Variants in TRAPPC8 observed in about 807,000 individuals in gnomAD.
TRAPPC8 encodes general sporulation gene 1 homolog.
TRAPPC8 carries 54 observed loss-of-function variants against 174.3 expected under a neutral mutation model. The observed-to-expected ratio is 0.31, with a 90% confidence interval of 0.25 to 0.39. The LOEUF (loss-of-function observed/expected upper bound fraction) is 0.39. Among genes scored for constraint, TRAPPC8 ranks in the 10% least tolerant of loss-of-function variants. TRAPPC8 has a pLI of 1.00. For synonymous variants in TRAPPC8, 630 were observed against 579.9 expected (o/e 1.09, Z -1.24); for missense variants, 1,531 against 1,699.1 (o/e 0.90, Z 1.74).
In TRAPPC8 at chr18:31,857,263, T is replaced by C. The variant is rs549461213; in HGVS notation, c.3188+277A>G. Among the ~76,000 whole-genome samples the C allele has an allele frequency of 8.9e-4, 135 of 152,340 alleles. No homozygotes were observed. Among genetic ancestry groups the C allele is most frequent in the Non-Finnish European group, 1.5e-3 (102 of 68,030 alleles). On this transcript the variant is annotated intron_variant, in intron 20 of 28. Transcript: ENST00000283351. ...ATGGTACCTGTTAATTTCATTATTA[T>C]GTGATAGCTCTGTCTACAGTACTTA...
intron 1 of TRAPPC8, among the ~76,000 whole-genome samples, chr18:31,941,845 CATT>C (rs1330824177): frequency 6.6e-6 from 1 of 152,178 alleles, no homozygotes. Flanking sequence ...AGCTTTACCA[CATT>C]ATTTTCTCCT....
chr18:31,901,893 T>C (rs570076558), intron 9 of TRAPPC8, among the ~76,000 whole-genome samples: 59 of 152,346 alleles, frequency 3.9e-4, no homozygotes, highest in Non-Finnish European at 7.6e-4. Flanking sequence ...TCAGGCCTAG[T>C]GGTTAGGTGT....
chr18:31,849,044 A>G (rs1274260189), intron 25 of TRAPPC8, among the ~76,000 whole-genome samples: 1 of 152,168 alleles, frequency 6.6e-6, no homozygotes, highest in Admixed American at 6.5e-5. Context: ...TTTGGTTGGG[A>G]AAGATAATAC....
chr18:31,912,514 C>CATGGTGG (rs1280180486), intron 5 of TRAPPC8, among the ~76,000 whole-genome samples: 16 of 151,508 alleles, frequency 1.1e-4, no homozygotes, highest in African/African-American at 3.9e-4. Flanking sequence ...ATTAGCCGGG[C>CATGGTGG]ATGGTGGTAG....
chr18:31,870,597 G>C, intron 15 of TRAPPC8, 95 bp from the exon 16 acceptor site: 1 of 1,355,776 alleles, frequency 7.4e-7, no homozygotes, highest in Non-Finnish European at 1.0e-6. Context: ...TCATAGCTCT[G>C]CATTTCTGCC....
chr18:31,864,261 T>C (rs1436498895), intron 19 of TRAPPC8, among the ~76,000 whole-genome samples: 2 of 151,768 alleles, frequency 1.3e-5, no homozygotes, highest in African/African-American at 4.8e-5. Flanking sequence ...GAAGGTGAAA[T>C]ACTGCTTTTT....
intron 5 of TRAPPC8, among the ~76,000 whole-genome samples, chr18:31,912,336 C>A (rs534254277): frequency 1.3e-5 from 2 of 152,050 alleles, no homozygotes; most frequent in Non-Finnish European, 2.9e-5. Flanking sequence ...GCTAAAAATA[C>A]AAAAATTAGC....
intron 26 of TRAPPC8, among the ~76,000 whole-genome samples, chr18:31,841,676 C>A (rs2033108245): frequency 6.6e-6 from 1 of 152,100 alleles, no homozygotes; most frequent in South Asian, 2.1e-4. Context: ...ATTTTATATG[C>A]CTGCTGTTGC....
chr18:31,909,808 C>A, intron 5 of TRAPPC8, 48 bp from the exon 6 acceptor site: 1 of 1,243,304 alleles, frequency 8.0e-7, no homozygotes, highest in Non-Finnish European at 1.1e-6. Context: ...CTTAATCATA[C>A]TTAATATACT....
chr18:31,838,889 C>T (rs1021910928), intron 27 of TRAPPC8, among the ~76,000 whole-genome samples: 2 of 152,042 alleles, frequency 1.3e-5, no homozygotes, highest in African/African-American at 2.4e-5. Context: ...GGTCACCATC[C>T]TCTTTCTGTT....
intron 11 of TRAPPC8, chr18:31,895,709 T>C (rs974227990): frequency 3.9e-5 from 6 of 152,220 alleles, no homozygotes; most frequent in Non-Finnish European, 5.9e-5. Context: ...TCACTGATAA[T>C]CCTTAGGTTG....
At chr18:31,901,050 T>C (rs754254725) in intron 9 of TRAPPC8, 25 bp from the exon 10 acceptor site, 9 of 1,556,302 alleles carry the variant, frequency 5.8e-6, no homozygotes, top group African/African-American at 2.8e-5. Flanking sequence ...ATAGTTTACA[T>C]ATTTCAAAAG....
At chr18:31,856,263 A>AG (rs2034005064) in intron 20 of TRAPPC8, among the ~76,000 whole-genome samples, 11 of 151,816 alleles carry the variant, frequency 7.2e-5, no homozygotes, top group Admixed American at 7.2e-4. Context: ...GTACCACCAC[A>AG]CCCTATAATT....
At chr18:31,893,419 CTGTG>C (rs915962316) in intron 11 of TRAPPC8, among the ~76,000 whole-genome samples, 12 of 151,426 alleles carry the variant, frequency 7.9e-5, no homozygotes, top group African/African-American at 1.2e-4. Context: ...GCGCGTGTGC[CTGTG>C]TGTGTGTTAC....
intron 9 of TRAPPC8, among the ~76,000 whole-genome samples, chr18:31,906,813 T>C (rs1025690982): frequency 2.0e-5 from 3 of 152,220 alleles, no homozygotes; most frequent in African/African-American, 7.2e-5. Context: ...GCATGCTTTA[T>C]ACTTTATCTG....
In TRAPPC8 at chr18:31,864,396, C is replaced by T. The variant is rs559227834; in HGVS notation, c.2745+231G>A. Among the ~76,000 whole-genome samples the T allele has an allele frequency of 4.6e-5, 7 of 151,890 alleles. No homozygotes were observed. The East Asian group carries it at 5.8e-4, about 13-fold the overall frequency. On this transcript the variant is annotated intron_variant, in intron 19 of 28. Transcript: ENST00000283351. Reference sequence around the variant, plus strand: ...AGTGGATTTTTTAGAAGTATTTTTCCCAATTTCCATTAATATTTTGAGGGT... The same window carrying T: ...AGTGGATTTTTTAGAAGTATTTTTCTCAATTTCCATTAATATTTTGAGGGT...
chr18:31,867,015 A>G, intron 17 of TRAPPC8, 40 bp from the exon 18 acceptor site: 2 of 1,602,320 alleles, frequency 1.2e-6, no homozygotes, highest in South Asian at 1.1e-5. Context: ...TGTTTTCATA[A>G]TATCTTAAAT....
At chr18:31,915,461 A>C (rs2145529400) in intron 4 of TRAPPC8, among the ~76,000 whole-genome samples, 1 of 113,362 alleles carries the variant, frequency 8.8e-6, no homozygotes, top group South Asian at 3.8e-4. Flanking sequence ...AAACCCCATC[A>C]AAAAAAAAGG....
chr18:31,887,828 T>C (rs369039728), intron 12 of TRAPPC8, among the ~76,000 whole-genome samples: 2 of 151,918 alleles, frequency 1.3e-5, no homozygotes, highest in African/African-American at 4.8e-5. Context: ...CTATTCAACA[T>C]AGTATTGGAC....
Sources: allele counts gnomAD v4.1 joint callset (sites outside exome capture counted in the v4.1 genomes callset), GRCh38; gene constraint gnomAD v4.1.1; transcripts MANE v1.5; gene names NCBI Gene and HGNC (gene_info 2026-07-23, HGNC 2026-07-21).